The following GRXCR1 variants were observed in gnomAD, a reference collection of about 807,000 sequenced individuals.
The protein encoded by GRXCR1 is glutaredoxin domain-containing cysteine-rich protein 1.
GRXCR1 carries 27 observed loss-of-function variants against 27.3 expected under a neutral mutation model. The observed-to-expected ratio is 0.99, with a 90% CI of 0.73 to 1.37. The LOEUF (loss-of-function observed/expected upper bound fraction) is 1.37, where lower values mean the gene tolerates loss of function less well. Among genes scored for constraint, GRXCR1 ranks in the 40% most tolerant of loss-of-function variants. GRXCR1 has a pLI of 0.00. For synonymous variants in GRXCR1, 122 were observed against 131.1 expected, an observed-to-expected ratio of 0.93 and a Z score of 0.47; for missense variants, 379 against 354.4, an observed-to-expected ratio of 1.07 and a Z score of -0.56.
rs540157497 is a variant in GRXCR1, at chr4:43,001,863, G to A, written c.628-18491G>A. Among the ~76,000 whole-genome samples the A allele has an allele frequency of 5.3e-5, 8 of 152,208 alleles. No homozygotes were observed. The South Asian group carries it at 1.2e-3, about 24-fold the overall frequency. On this transcript the variant is annotated intron_variant, in intron 2 of 3. Coordinates refer to ENST00000399770, the MANE Select transcript of GRXCR1 (RefSeq NM_001080476.3). ...CAGCAAAAAGGAATGTAGAGAGCAG[G>A]GTGATAATAAGGAGAAGGTCAGCAA...
At chr4:42,969,529 A>G (rs1748332311) in intron 2 of GRXCR1, among the ~76,000 whole-genome samples, 1 of 152,132 alleles carries the variant, frequency 6.6e-6, no homozygotes, top group Non-Finnish European at 1.5e-5. Context: ...GAAAGCAAGC[A>G]TGTCTTTACA....
chr4:42,985,292 A>G (rs1475119825), intron 2 of GRXCR1, among the ~76,000 whole-genome samples: 1 of 152,238 alleles, frequency 6.6e-6, no homozygotes, highest in African/African-American at 2.4e-5. Flanking sequence ...AATTTGATTG[A>G]AGAAAAAATG....
intron 3 of GRXCR1, among the ~76,000 whole-genome samples, chr4:43,021,815 T>G (rs1713101225): frequency 6.6e-6 from 1 of 152,146 alleles, no homozygotes; most frequent in African/African-American, 2.4e-5. Context: ...GAGAGTAAAT[T>G]TGTTTTTGTA....
chr4:42,899,806 C>CAT (rs1746424003), intron 1 of GRXCR1, among the ~76,000 whole-genome samples: 1 of 152,122 alleles, frequency 6.6e-6, no homozygotes. Context: ...TTTCCTGGTT[C>CAT]ATCAGAATCT....
intron 1 of GRXCR1, among the ~76,000 whole-genome samples, chr4:42,919,400 A>G (rs1029092163): frequency 6.6e-6 from 1 of 152,078 alleles, no homozygotes; most frequent in African/African-American, 2.4e-5. Context: ...ATTTGAGGAT[A>G]TGGGGCAGCT....
At chr4:43,012,110 G>GA (rs951881607) in intron 2 of GRXCR1, among the ~76,000 whole-genome samples, 16 of 151,186 alleles carry the variant, frequency 1.1e-4, no homozygotes, top group Non-Finnish European at 5.9e-5. Context: ...TTTCATCCCA[G>GA]AAAAAAAAAT....
intron 1 of GRXCR1, among the ~76,000 whole-genome samples, chr4:42,904,940 C>T (rs1746552371): frequency 6.6e-6 from 1 of 152,064 alleles, no homozygotes; most frequent in African/African-American, 2.4e-5. Context: ...AGATTCTGTT[C>T]CTCTCAGATA....
rs570086299 is a variant in GRXCR1, at chr4:42,950,362, G to A, written c.385-12530G>A. On this transcript the variant is annotated intron_variant, in intron 1 of 3. Transcript: ENST00000399770. ...TTTGCAAGATGTTCCTGACTTATTCGCTGCCTGGCTTTTAACTGTTGTAAG... is the reference window on the plus strand; with the variant it reads ...TTTGCAAGATGTTCCTGACTTATTCACTGCCTGGCTTTTAACTGTTGTAAG... Among the ~76,000 whole-genome samples the A allele has an allele frequency of 1.2e-4, 18 of 152,174 alleles. No homozygotes were observed. The South Asian group carries it at 2.7e-3, about 23-fold the overall frequency.
intron 1 of GRXCR1, among the ~76,000 whole-genome samples, chr4:42,919,930 G>A (rs186655237): frequency 6.6e-6 from 1 of 152,068 alleles, no homozygotes; most frequent in Non-Finnish European, 1.5e-5. Context: ...CGGGAGAAAT[G>A]GAATATAGAG....
At chr4:43,012,990 C>G (rs2109803453) in intron 2 of GRXCR1, among the ~76,000 whole-genome samples, 1 of 152,218 alleles carries the variant, frequency 6.6e-6, no homozygotes, top group East Asian at 1.9e-4. Context: ...TAACATCTCA[C>G]AGTCAGAATG....
intron 1 of GRXCR1, among the ~76,000 whole-genome samples, chr4:42,895,725 T>C (rs796336802): frequency 1.3e-5 from 2 of 152,252 alleles, no homozygotes; most frequent in African/African-American, 4.8e-5. Context: ...TTTTAAGGTA[T>C]GTGTATGTCA....
At chr4:42,978,345 AT>A (rs1468152437) in intron 2 of GRXCR1, among the ~76,000 whole-genome samples, 1 of 152,022 alleles carries the variant, frequency 6.6e-6, no homozygotes, top group Non-Finnish European at 1.5e-5. Flanking sequence ...TCTGTGAAAA[AT>A]ATCATTGGTA....
At chr4:42,998,056 T>G (rs1577938059) in intron 2 of GRXCR1, among the ~76,000 whole-genome samples, 1 of 152,326 alleles carries the variant, frequency 6.6e-6, no homozygotes, top group East Asian at 1.9e-4. Flanking sequence ...ACAATGGTCC[T>G]TCCAGTTTGA....
intron 2 of GRXCR1, among the ~76,000 whole-genome samples, chr4:43,009,132 C>T (rs776157219): frequency 2.2e-4 from 33 of 152,154 alleles, no homozygotes; most frequent in Non-Finnish European, 4.0e-4. Context: ...GAAGGAATAC[C>T]AGGCTTTGTT....
chr4:42,962,838 A>G (rs1406394122), intron 1 of GRXCR1, 54 bp from the exon 2 acceptor site: 3 of 1,604,468 alleles, frequency 1.9e-6, no homozygotes, highest in African/African-American at 1.3e-5. Context: ...TTAAAATCAT[A>G]AGACACAAGA....
At chr4:42,951,987 C>T (rs1391288003) in intron 1 of GRXCR1, among the ~76,000 whole-genome samples, 2 of 152,258 alleles carry the variant, frequency 1.3e-5, no homozygotes, top group East Asian at 3.9e-4. Flanking sequence ...CTGAAATTCA[C>T]TTATTTGATC....
At chr4:42,966,391 A>C (rs1577923892) in intron 2 of GRXCR1, among the ~76,000 whole-genome samples, 1 of 152,226 alleles carries the variant, frequency 6.6e-6, no homozygotes, top group East Asian at 1.9e-4. Flanking sequence ...CTATTGATAA[A>C]AATAGATTTC....
chr4:42,953,172 G>A (rs1415806738), intron 1 of GRXCR1, among the ~76,000 whole-genome samples: 1 of 152,052 alleles, frequency 6.6e-6, no homozygotes, highest in Admixed American at 6.6e-5. Context: ...AAAAACAATG[G>A]CCACAGCAAG....
intron 2 of GRXCR1, among the ~76,000 whole-genome samples, chr4:42,987,823 C>T (rs140079158): frequency 1.3e-5 from 2 of 152,220 alleles, no homozygotes; most frequent in African/African-American, 4.8e-5. Context: ...TAGATCTCTA[C>T]AAAACGTCAG....
Sources: allele counts gnomAD v4.1 joint callset (sites outside exome capture counted in the v4.1 genomes callset), GRCh38; gene constraint gnomAD v4.1.1; transcripts MANE v1.5; gene names NCBI Gene and HGNC (gene_info 2026-07-23, HGNC 2026-07-21).